The following FAT3 variants were observed in gnomAD, a reference collection of about 807,000 sequenced individuals.
FAT3 encodes FAT atypical cadherin 3.
FAT3 carries 95 observed loss-of-function variants against 310.2 expected under a neutral mutation model. The ratio of observed to expected loss-of-function variants is 0.31; its 90% confidence interval spans 0.26 to 0.36. FAT3 has a LOEUF of 0.36. Ranked by LOEUF, FAT3 falls within the 10% of genes least tolerant of loss-of-function variation. FAT3 has a pLI of 1.00. For missense variants in FAT3, 5,408 were observed against 5,715.6 expected, an observed-to-expected ratio of 0.95 and a Z score of 1.74; for synonymous variants, 2,314 against 2,192.9, an observed-to-expected ratio of 1.06 and a Z score of -1.54.
At chr11:92,579,018 AAGAC>A (rs1938640813) in intron 3 of FAT3, among the ~76,000 whole-genome samples, 2 of 152,264 alleles carry the variant, frequency 1.3e-5, no homozygotes, top group South Asian at 2.1e-4. Flanking sequence ...AAGTTTCACT[AAGAC>A]AGTTCATTAT....
At chr11:92,845,792 C>T (rs185193911) in intron 19 of FAT3, among the ~76,000 whole-genome samples, 15 of 152,296 alleles carry the variant, frequency 9.8e-5, no homozygotes, top group Admixed American at 7.8e-4. Flanking sequence ...GGCAGGGCCC[C>T]GGCCTCTTCC....
intron 4 of FAT3, among the ~76,000 whole-genome samples, chr11:92,718,399 G>A (rs1424576393): frequency 6.6e-6 from 1 of 152,052 alleles, no homozygotes; most frequent in Non-Finnish European, 1.5e-5. Flanking sequence ...GAGGGTTCCT[G>A]CGCTCAAGCT....
rs1565353395 is a variant in FAT3, at chr11:92,486,129, G to GTTTTTTTTTTTTTTTTTTTTTTT, written c.3293-38505_3293-38504insTTTTTTTTTTTTTTTTTTTTTTT. Among the ~76,000 whole-genome samples the GTTTTTTTTTTTTTTTTTTTTTTT allele has an allele frequency of 2.2e-4, 6 of 27,684 alleles. 1 individual carries two copies. Among genetic ancestry groups the GTTTTTTTTTTTTTTTTTTTTTTT allele is most frequent in the African/African-American group, 4.2e-4 (5 of 11,788 alleles). 18.2% of individuals were successfully genotyped at this position (27,684 alleles called of 152,430 possible). The stretch of plus-strand genomic sequence containing the variant: ...TGTGAAATAGAGGAGAGGCTGCTGG[G>GTTTTTTTTTTTTTTTTTTTTTTT]GTTTTTTTTTTTTTTTTTTTTTTTT... On this transcript the variant is annotated intron_variant, in intron 2 of 27. Coordinates refer to ENST00000525166, the MANE Select transcript of FAT3 (RefSeq NM_001367949.2).
intron 1 of FAT3, among the ~76,000 whole-genome samples, chr11:92,306,956 AT>A (rs574726869): frequency 1.1e-4 from 16 of 144,966 alleles, no homozygotes; most frequent in South Asian, 6.5e-4. Context: ...ATGTCCGGCT[AT>A]TTTTTTTTTA....
chr11:92,606,731 G>A (rs914818556), intron 3 of FAT3, among the ~76,000 whole-genome samples: 2 of 152,172 alleles, frequency 1.3e-5, no homozygotes, highest in African/African-American at 4.8e-5. Context: ...CAACTGACTT[G>A]TTCAAGGCAC....
chr11:92,519,058 A>G (rs192079449), intron 2 of FAT3, among the ~76,000 whole-genome samples: 1 of 152,248 alleles, frequency 6.6e-6, no homozygotes, highest in Admixed American at 6.5e-5. Flanking sequence ...TGATTCTATA[A>G]TTTATATAGA....
chr11:92,715,225 G>A (rs1944643399), intron 4 of FAT3, among the ~76,000 whole-genome samples: 1 of 149,414 alleles, frequency 6.7e-6, no homozygotes, highest in Non-Finnish European at 1.5e-5. Context: ...CTAACACGGT[G>A]AAAGCCCGTC....
At chr11:92,607,076 G>A (rs1940336357) in intron 3 of FAT3, among the ~76,000 whole-genome samples, 1 of 152,164 alleles carries the variant, frequency 6.6e-6, no homozygotes, top group South Asian at 2.1e-4. Flanking sequence ...TGTCCTTAGT[G>A]TTCACCTAAA....
Position 92,805,205 on chromosome 11 carries a change from G to A in FAT3, c.8949G>A (p.Lys2983=), listed in dbSNP as rs919285709. 5 of 1,613,736 alleles carry A rather than the reference G, an allele frequency of 3.1e-6. No individual in the cohort carries two copies. The highest frequency in any genetic ancestry group is 1.7e-5 in the Admixed American group (1 of 60,010). ...FALGLVQSEW[K]VYVKRPLDRE... is the part of the protein sequence containing the mutation. ...TGGGCCTGGTGCAAAGTGAGTGGAA[G>A]GTCTATGTGAAGAGGCCTCTAGACA... Residue 2983 remains lysine (K), a synonymous_variant, in exon 11 of 28, where the codon AAG becomes AAA. Transcript: ENST00000525166.
intron 1 of FAT3, among the ~76,000 whole-genome samples, chr11:92,306,635 TTA>T (rs1412832996): frequency 1.6e-5 from 2 of 122,296 alleles, no homozygotes; most frequent in African/African-American, 3.1e-5. Context: ...TATATTTATA[TTA>T]TATATATTAT....
intron 2 of FAT3, among the ~76,000 whole-genome samples, chr11:92,459,205 C>T (rs762331153): frequency 2.6e-5 from 4 of 152,138 alleles, no homozygotes; most frequent in Non-Finnish European, 2.9e-5. Flanking sequence ...GAGCATGGTA[C>T]GATGGCCACC....
intron 14 of FAT3, among the ~76,000 whole-genome samples, chr11:92,833,072 A>G (rs1027680110): frequency 2.2e-4 from 33 of 152,378 alleles, no homozygotes; most frequent in Admixed American, 6.5e-4. Flanking sequence ...CAGCGAGTTA[A>G]TAAGTATTAG....
At chr11:92,837,838 C>A in intron 17 of FAT3, 32 bp downstream of exon 17, 1 of 1,613,376 alleles carries the variant, frequency 6.2e-7, no homozygotes, top group East Asian at 2.2e-5. Context: ...AGCACTTGTC[C>A]CTTTGCATTC....
At chr11:92,235,449 G>A (rs1306044756) in intron 1 of FAT3, among the ~76,000 whole-genome samples, 7 of 152,210 alleles carry the variant, frequency 4.6e-5, no homozygotes, top group South Asian at 2.1e-4. Context: ...AATTACCTGC[G>A]CGGGTGTCTC....
intron 2 of FAT3, among the ~76,000 whole-genome samples, chr11:92,412,402 A>ATTTTTTTTTTTTTTT: frequency 9.9e-6 from 1 of 101,126 alleles, no homozygotes. Flanking sequence ...GACCCGGCCT[A>ATTTTTTTTTTTTTTT]TTTTTTTTTT....
intron 2 of FAT3, among the ~76,000 whole-genome samples, chr11:92,469,151 G>A (rs1002876656): frequency 6.6e-6 from 1 of 152,084 alleles, no homozygotes; most frequent in African/African-American, 2.4e-5. Flanking sequence ...AAAATAAAAG[G>A]CAGGCATGTG....
intron 1 of FAT3, chr11:92,336,077 G>A: frequency 1.9e-6 from 1 of 513,328 alleles, no homozygotes; most frequent in Non-Finnish European, 3.9e-6. Context: ...GGTTGAAGCA[G>A]TTGGATTCCA....
rs143259141 is a variant in FAT3 at position 92,580,641 on chromosome 11, G to A, written c.3607+55693G>A. On this transcript the variant is annotated intron_variant, in intron 3 of 27. Coordinates refer to ENST00000525166, the MANE Select transcript of FAT3 (RefSeq NM_001367949.2). Reference sequence around the variant, plus strand: ...CTTCTCTGCAAACCCTAGTTATCTTGCTTATGTTGGGTGCTTACTAAATAT... The same window carrying A: ...CTTCTCTGCAAACCCTAGTTATCTTACTTATGTTGGGTGCTTACTAAATAT... 4.2e-4 allele frequency among the ~76,000 whole-genome samples: 64 copies of A among 152,200 alleles called. 1 individual carries two copies. The highest frequency in any genetic ancestry group is 3.7e-3 in the Admixed American group (56 of 15,278).
chr11:92,489,890 T>TC (rs971246226), intron 2 of FAT3, among the ~76,000 whole-genome samples: 4 of 150,098 alleles, frequency 2.7e-5, no homozygotes, highest in African/African-American at 9.7e-5. Flanking sequence ...TCTTTTTCTT[T>TC]TTTTTTTTTT....
Sources: gnomAD v4.1 joint callset for allele counts (sites outside exome capture counted in the v4.1 genomes callset) on GRCh38, gnomAD v4.1.1 for gene constraint, MANE v1.5 for transcripts, NCBI Gene and HGNC (gene_info 2026-07-23, HGNC 2026-07-21) for gene names.